The following DDAH1 variants were observed in gnomAD, a reference collection of about 807,000 sequenced individuals.
DDAH1 encodes the protein N(G),N(G)-dimethylarginine dimethylaminohydrolase 1.
In DDAH1, 19 loss-of-function variants were observed where a neutral mutation model predicts 28.8. The ratio of observed to expected loss-of-function variants is 0.66; its 90% confidence interval spans 0.46 to 0.97. The LOEUF (loss-of-function observed/expected upper bound fraction) is 0.97. DDAH1 is among the 50% of genes least tolerant of loss of function. The pLI is 0.00. For synonymous variants in DDAH1, 153 were observed against 154.4 expected (o/e 0.99, Z 0.07); for missense variants, 326 against 375.9 (o/e 0.87, Z 1.10).
chr1:85,504,294 C>T (rs903118861), intron 1 of DDAH1, among the ~76,000 whole-genome samples: 4 of 152,132 alleles, frequency 2.6e-5, no homozygotes, highest in Admixed American at 6.5e-5. Flanking sequence ...GGTCATTGGC[C>T]TCAAAGACCT....
At chr1:85,412,342 G>T (rs898969610) in intron 1 of DDAH1, among the ~76,000 whole-genome samples, 1 of 151,984 alleles carries the variant, frequency 6.6e-6, no homozygotes, top group African/African-American at 2.4e-5. Context: ...CATCTTTCAG[G>T]GTCTTCTAAC....
At chr1:85,410,089 T>C (rs1274993266) in intron 1 of DDAH1, among the ~76,000 whole-genome samples, 1 of 151,656 alleles carries the variant, frequency 6.6e-6, no homozygotes, top group Non-Finnish European at 1.5e-5. Flanking sequence ...AAGACCAGCC[T>C]GGGCAACATG....
chr1:85,452,406 T>C (rs1654702215), intron 1 of DDAH1, among the ~76,000 whole-genome samples: 1 of 152,146 alleles, frequency 6.6e-6, no homozygotes, highest in South Asian at 2.1e-4. Context: ...ACCTATAGCA[T>C]AAGAGGGAAC....
chr1:85,328,890 C>T (rs1647587468), intron 4 of DDAH1, among the ~76,000 whole-genome samples: 2 of 152,252 alleles, frequency 1.3e-5, no homozygotes, highest in Admixed American at 1.3e-4. Context: ...TCCCACCACT[C>T]ATAATCACCA....
intron 1 of DDAH1, among the ~76,000 whole-genome samples, chr1:85,364,605 T>C (rs1415206410): frequency 1.3e-5 from 2 of 152,022 alleles, no homozygotes; most frequent in East Asian, 1.9e-4. Context: ...TGGAGTGCAA[T>C]GGCATGATTT....
At chr1:85,456,154 T>C (rs1386873391) in intron 1 of DDAH1, among the ~76,000 whole-genome samples, 1 of 151,886 alleles carries the variant, frequency 6.6e-6, no homozygotes, top group Non-Finnish European at 1.5e-5. Context: ...TCAAAACCAG[T>C]GTCTCCTGCC....
intron 1 of DDAH1, among the ~76,000 whole-genome samples, chr1:85,413,423 T>TC (rs1652750165): frequency 6.6e-6 from 1 of 152,184 alleles, no homozygotes; most frequent in South Asian, 2.1e-4. Context: ...TAACAAGGCT[T>TC]CTGAAAAAAC....
intron 1 of DDAH1, among the ~76,000 whole-genome samples, chr1:85,404,219 A>G (rs1405611201): frequency 1.3e-5 from 2 of 152,224 alleles, no homozygotes; most frequent in African/African-American, 2.4e-5. Flanking sequence ...ATTCGCAAGT[A>G]TTGAGCATTT....
At chr1:85,509,281 A>T (rs1055632567) in intron 1 of DDAH1, among the ~76,000 whole-genome samples, 1 of 152,244 alleles carries the variant, frequency 6.6e-6, no homozygotes, top group Non-Finnish European at 1.5e-5. Context: ...ACTAACAAAC[A>T]GAAAGGAATA....
At chr1:85,507,237 G>A (rs187718123) in intron 1 of DDAH1, among the ~76,000 whole-genome samples, 1 of 152,226 alleles carries the variant, frequency 6.6e-6, no homozygotes, top group African/African-American at 2.4e-5. Context: ...AGACGCAGTG[G>A]CTCATGCCTG....
Position 85,554,139 on chromosome 1 carries a change from T to C in DDAH1, c.-123+23845A>G, listed in dbSNP as rs116604109. 1.7e-3 allele frequency among the ~76,000 whole-genome samples: 256 copies of C among 152,332 alleles called. 2 individuals carry two copies. The highest frequency in any genetic ancestry group is 1.1e-3 in the Non-Finnish European group (76 of 68,032). ...AATGGAACATTCCTCTTTTCTGAGT[T>C]CACAATAGCTTCTTTTTCCTAAGGA... On this transcript the variant is annotated intron_variant, in intron 1 of 6. Coordinates refer to the DDAH1 transcript ENST00000426972.
At chr1:85,447,591 C>T (rs1654492619) in intron 1 of DDAH1, among the ~76,000 whole-genome samples, 1 of 152,122 alleles carries the variant, frequency 6.6e-6, no homozygotes, top group Admixed American at 6.5e-5. Context: ...TTATTTGCAA[C>T]CTAAAGGAAT....
intron 1 of DDAH1, among the ~76,000 whole-genome samples, chr1:85,500,078 TTTC>T (rs1207270761): frequency 1.3e-5 from 2 of 151,548 alleles, no homozygotes; most frequent in East Asian, 3.9e-4. Flanking sequence ...TTTTCTTTCC[TTTC>T]CTTCCTTCCT....
intron 1 of DDAH1, among the ~76,000 whole-genome samples, chr1:85,388,491 C>T (rs187947869): frequency 6.6e-6 from 1 of 152,090 alleles, no homozygotes; most frequent in Non-Finnish European, 1.5e-5. Flanking sequence ...TCACAGTGAC[C>T]CATGAAAAAA....
chr1:85,396,850 C>G (rs1397784737), intron 1 of DDAH1, among the ~76,000 whole-genome samples: 1 of 151,820 alleles, frequency 6.6e-6, no homozygotes, highest in East Asian at 1.9e-4. Context: ...CCCTGGGCAA[C>G]ATGGTAAAAC....
In DDAH1 at chr1:85,458,189, AT is replaced by A. The variant is rs774841856; in HGVS notation, c.303+6553del. Among the ~76,000 whole-genome samples the A allele has an allele frequency of 1.7e-3, 260 of 152,318 alleles. 1 individual carries two copies. Among genetic ancestry groups the A allele is most frequent in the Non-Finnish European group, 3.2e-3 (215 of 68,030 alleles). ...TGTCCACACTGATTTGTTGGACAAA[AT>A]TAAACCAACCCTGTATTAGTTTGTA... On this transcript the variant is annotated intron_variant, in intron 1 of 5. Coordinates refer to ENST00000284031, the MANE Select transcript of DDAH1 (RefSeq NM_012137.4).
chr1:85,507,743 T>C (rs993758736), intron 1 of DDAH1, among the ~76,000 whole-genome samples: 1 of 152,184 alleles, frequency 6.6e-6, no homozygotes, highest in Admixed American at 6.5e-5. Context: ...TATTGGGTTG[T>C]TATGGCCTTT....
At chr1:85,538,220 T>C (rs1311585999) in intron 1 of DDAH1, among the ~76,000 whole-genome samples, 246 of 152,178 alleles carry the variant, frequency 1.6e-3, no homozygotes, top group Non-Finnish European at 2.9e-3. Flanking sequence ...TTCTCAAAAT[T>C]TAAGCTGGTT....
Position 85,465,123 on chromosome 1 carries a change from G to T in DDAH1, c.-78C>A. On this transcript the variant is annotated 5_prime_UTR_variant, in exon 1 of 6. Transcript: ENST00000284031. ...CGCGGGCAGCGCGCGCTGAGCCTGCGAGCGCCCGTCGGCTCCTCTTGGCAG... is the reference window on the plus strand; with the variant it reads ...CGCGGGCAGCGCGCGCTGAGCCTGCTAGCGCCCGTCGGCTCCTCTTGGCAG... The T allele has an allele frequency of 8.5e-7, 1 of 1,176,352 alleles. No homozygotes were observed. The highest frequency in any genetic ancestry group is 1.0e-6 in the Non-Finnish European group (1 of 953,236). The allele number at this position is 1,176,352 out of a possible 1,614,324, so 72.9% of individuals were successfully genotyped here.
Sources: allele counts gnomAD v4.1 joint callset (sites outside exome capture counted in the v4.1 genomes callset), GRCh38; gene constraint gnomAD v4.1.1; transcripts MANE v1.5; gene names NCBI Gene and HGNC (gene_info 2026-07-23, HGNC 2026-07-21).